RANGAP1: variants seen among roughly 807,000 people sequenced by gnomAD.
The protein encoded by RANGAP1 is ran GTPase-activating protein 1.
A neutral mutation model predicts 63.5 loss-of-function variants in RANGAP1; 38 were observed. The observed-to-expected ratio is 0.60, with a 90% CI of 0.46 to 0.78. The LOEUF is 0.78. Ranked by LOEUF, RANGAP1 falls within the 30% of genes least tolerant of loss-of-function variation. The pLI is 0.00. For missense variants in RANGAP1, 630 were observed against 740.3 expected (o/e 0.85, Z 1.73); for synonymous variants, 329 against 310.5 (o/e 1.06, Z -0.63).
intron 3 of RANGAP1, among the ~76,000 whole-genome samples, chr22:41,273,891 C>G (rs1297967310): frequency 1.3e-5 from 2 of 149,770 alleles, no homozygotes; most frequent in African/African-American, 4.9e-5. Context: ...CTGGCTAACA[C>G]AGTGAAACCC....
At chr22:41,276,923 T>C (rs548210032) in intron 2 of RANGAP1, among the ~76,000 whole-genome samples, 30 of 142,598 alleles carry the variant, frequency 2.1e-4, no homozygotes, top group African/African-American at 7.6e-4. Context: ...GAGGCGGAGG[T>C]AGCAGTGAGC....
intron 4 of RANGAP1, among the ~76,000 whole-genome samples, chr22:41,267,843 G>C (rs764932623): frequency 5.3e-5 from 8 of 152,140 alleles, no homozygotes; most frequent in Non-Finnish European, 1.2e-4. Context: ...GGACCCAGGA[G>C]TGCATGGTCT....
the RANGAP1 span, among the ~76,000 whole-genome samples, chr22:41,294,190 TG>T: frequency 6.6e-6 from 1 of 152,232 alleles, no homozygotes; most frequent in African/African-American, 2.4e-5. Context: ...TGCCTGCGAT[TG>T]AAGGCGTGCG....
intron 4 of RANGAP1, among the ~76,000 whole-genome samples, chr22:41,267,247 G>A (rs925423811): frequency 5.3e-5 from 8 of 152,062 alleles, no homozygotes; most frequent in African/African-American, 1.9e-4. Flanking sequence ...GCACGCACCT[G>A]TAATCCCAGC....
chr22:41,254,178 C>T, intron 11 of RANGAP1, 130 bp downstream of exon 11: 1 of 937,214 alleles, frequency 1.1e-6, no homozygotes. Context: ...TACTCAATAT[C>T]ATGCAATCAA....
Position 41,245,076 on chromosome 22 carries a change from A to G in RANGAP1, c.*1527T>C, listed in dbSNP as rs2032949584. Among the ~76,000 whole-genome samples the G allele has an allele frequency of 1.3e-5, 2 of 152,238 alleles. No individual in the cohort carries two copies. Among genetic ancestry groups the G allele is most frequent in the Admixed American group, 1.3e-4 (2 of 15,282 alleles). On this transcript the variant is annotated 3_prime_UTR_variant, in exon 16 of 16. Coordinates refer to ENST00000356244, the MANE Select transcript of RANGAP1 (RefSeq NM_002883.4). ...ACGTTGTAGCTGGCATCAGAACTTAATGCCAGCCCCACACCCACCCCCTAC... is the reference window on the plus strand; with the variant it reads ...ACGTTGTAGCTGGCATCAGAACTTAGTGCCAGCCCCACACCCACCCCCTAC...
At chr22:41,279,840 G>T (rs954128073) in intron 2 of RANGAP1, among the ~76,000 whole-genome samples, 2 of 150,138 alleles carry the variant, frequency 1.3e-5, no homozygotes. Flanking sequence ...GCTCACGCCT[G>T]TAATCCGAAC....
intron 6 of RANGAP1, 28 bp from the exon 7 acceptor site, chr22:41,258,134 G>A (rs753708359): frequency 1.9e-6 from 3 of 1,567,186 alleles, no homozygotes; most frequent in South Asian, 2.3e-5. Context: ...AGAGTGGAGG[G>A]GGCCCCGAGT....
intron 3 of RANGAP1, among the ~76,000 whole-genome samples, chr22:41,274,324 C>T (rs2035013776): frequency 6.6e-6 from 1 of 152,238 alleles, no homozygotes. Context: ...CATGTGACAG[C>T]TCTGCATTAT....
the RANGAP1 span, among the ~76,000 whole-genome samples, chr22:41,292,820 T>G: frequency 6.6e-6 from 1 of 152,056 alleles, no homozygotes; most frequent in Admixed American, 6.6e-5. Flanking sequence ...TAATGAAAAC[T>G]GAGCTGGGCA....
rs564639248 is a variant in RANGAP1 at position 41,276,812 on chromosome 22, G to A, written c.113-2085C>T. On this transcript the variant is annotated intron_variant, in intron 2 of 15. Coordinates refer to ENST00000356244, the MANE Select transcript of RANGAP1 (RefSeq NM_002883.4). ...CAGCCTGGCCAACATGGTAAACCCCGTCTCTACTAAAAATACAAAAATTAG... is the reference window on the plus strand; with the variant it reads ...CAGCCTGGCCAACATGGTAAACCCCATCTCTACTAAAAATACAAAAATTAG... Among the ~76,000 whole-genome samples the A allele has an allele frequency of 1.6e-3, 242 of 151,616 alleles. 1 individual carries two copies. Among genetic ancestry groups the A allele is most frequent in the Non-Finnish European group, 2.2e-3 (151 of 67,890 alleles).
upstream of RANGAP1, among the ~76,000 whole-genome samples, chr22:41,287,508 A>G (rs1396458276): frequency 2.6e-5 from 4 of 151,796 alleles, no homozygotes; most frequent in Non-Finnish European, 1.5e-5. Flanking sequence ...TCGACAAAAA[A>G]TACAAAAATT....
At chr22:41,250,315 G>A (rs1312297908) in intron 13 of RANGAP1, among the ~76,000 whole-genome samples, 3 of 152,162 alleles carry the variant, frequency 2.0e-5, no homozygotes, top group South Asian at 2.1e-4. Flanking sequence ...CCACTGAGCC[G>A]CCCTCCCCGC....
Position 41,258,083 on chromosome 22 carries a change from G to T in RANGAP1, c.639C>A (p.Val213=). ...GGTTGATCCCATTCTGTGGCATGTG[G>T]ACCTCCTCCAGGGTCCCGATGACCT... ...AFRVIGTLEE[V]HMPQNGINHP... The change falls in exon 7 of 16, where the codon GTC becomes GTA. Residue 213 remains valine (V), a synonymous_variant. Coordinates refer to ENST00000356244, the MANE Select transcript of RANGAP1 (RefSeq NM_002883.4). 1 of 1,611,940 alleles carries T rather than the reference G, an allele frequency of 6.2e-7. No homozygotes were observed. The highest frequency in any genetic ancestry group is 8.5e-7 in the Non-Finnish European group (1 of 1,178,652).
chr22:41,285,560 G>C, intron 1 of RANGAP1: 2 of 985,482 alleles, frequency 2.0e-6, no homozygotes, highest in Non-Finnish European at 2.4e-6. Flanking sequence ...TCCAGGGACA[G>C]CGGCGCCAGC....
At chr22:41,256,321 C>T in intron 8 of RANGAP1, 31 bp from the exon 9 acceptor site, 2 of 1,604,768 alleles carry the variant, frequency 1.2e-6, no homozygotes, top group Non-Finnish European at 1.7e-6. Context: ...TGGAGGCAGG[C>T]AGAAACCCGG....
intron 3 of RANGAP1, among the ~76,000 whole-genome samples, chr22:41,268,762 C>T (rs1480327795): frequency 6.6e-6 from 1 of 152,014 alleles, no homozygotes; most frequent in Non-Finnish European, 1.5e-5. Flanking sequence ...ATAAACAACA[C>T]AGAATTCTAC....
the RANGAP1 span, among the ~76,000 whole-genome samples, chr22:41,299,478 G>A: frequency 2.0e-5 from 3 of 151,942 alleles, no homozygotes; most frequent in Non-Finnish European, 2.9e-5. Context: ...TACGTTAGCC[G>A]TGCTGGTCTC....
intron 5 of RANGAP1, among the ~76,000 whole-genome samples, chr22:41,262,769 C>T (rs1983244913): frequency 6.6e-6 from 1 of 152,236 alleles, no homozygotes; most frequent in Admixed American, 6.5e-5. Context: ...CCCCCATTCT[C>T]CCAGATTCCC....
Sources: allele counts gnomAD v4.1 joint callset (sites outside exome capture counted in the v4.1 genomes callset), GRCh38; gene constraint gnomAD v4.1.1; transcripts MANE v1.5; gene names NCBI Gene and HGNC (gene_info 2026-07-23, HGNC 2026-07-21).